Variants in MFHAS1 observed in about 807,000 individuals in gnomAD.
MFHAS1 encodes malignant fibrous histiocytoma-amplified sequence 1.
MFHAS1 carries 50 observed loss-of-function variants against 70.4 expected under a neutral mutation model. That is an observed-to-expected ratio of 0.71 (90% CI 0.57 to 0.90). MFHAS1 has a LOEUF of 0.90. Among genes scored for constraint, MFHAS1 ranks in the 40% least tolerant of loss-of-function variants. The pLI is 0.00. For synonymous variants in MFHAS1, 952 were observed against 620.0 expected, an observed-to-expected ratio of 1.54 and a Z score of -7.96; for missense variants, 1,795 against 1,347.6, an observed-to-expected ratio of 1.33 and a Z score of -5.20.
intron 1 of MFHAS1, among the ~76,000 whole-genome samples, chr8:8,837,647 GA>G (rs549315378): frequency 2.8e-4 from 39 of 139,308 alleles, no homozygotes; most frequent in South Asian, 4.5e-4. Flanking sequence ...CATCTCAACT[GA>G]AAAAAAAAAA....
chr8:8,800,296 A>G (rs1806044106), intron 1 of MFHAS1, among the ~76,000 whole-genome samples: 1 of 152,238 alleles, frequency 6.6e-6, no homozygotes, highest in Admixed American at 6.5e-5. Context: ...TAGCATGGCT[A>G]TGTGGATATC....
At chr8:8,861,277 T>C (rs1808650648) in intron 1 of MFHAS1, among the ~76,000 whole-genome samples, 1 of 152,204 alleles carries the variant, frequency 6.6e-6, no homozygotes, top group Non-Finnish European at 1.5e-5. Flanking sequence ...GTCTTTCCAA[T>C]GAATTAAAAA....
In MFHAS1 at chr8:8,864,761, C is replaced by G. The variant is rs1214075173; in HGVS notation, c.2998+25300G>C. ...TGGGGTCACTTGGCAGTCATTTTAT[C>G]TTTAAACTCACACCTACAGGCACTA... On this transcript the variant is annotated intron_variant, in intron 1 of 2. Coordinates refer to ENST00000276282, the MANE Select transcript of MFHAS1 (RefSeq NM_004225.3). Among the ~76,000 whole-genome samples, 3 of 152,124 alleles carry G rather than the reference C, an allele frequency of 2.0e-5. No homozygotes were observed. The East Asian group carries it at 5.8e-4, about 29-fold the overall frequency.
intron 1 of MFHAS1, among the ~76,000 whole-genome samples, chr8:8,826,983 T>C (rs1807188799): frequency 6.6e-6 from 1 of 152,214 alleles, no homozygotes; most frequent in Admixed American, 6.5e-5. Context: ...AGATGTCTTG[T>C]TGTACAAGGT....
intron 1 of MFHAS1, among the ~76,000 whole-genome samples, chr8:8,821,325 C>A (rs141094760): frequency 3.1e-3 from 472 of 152,312 alleles, no homozygotes; most frequent in African/African-American, 0.011. Flanking sequence ...TACTACTAAG[C>A]CTATTTCCAC....
intron 1 of MFHAS1, among the ~76,000 whole-genome samples, chr8:8,833,988 T>TTA (rs1023555014): frequency 2.6e-5 from 4 of 152,110 alleles, no homozygotes; most frequent in African/African-American, 9.7e-5. Context: ...TAGCTGGGCA[T>TTA]GGTGGTACAT....
At chr8:8,856,300 T>G (rs1159208734) in intron 1 of MFHAS1, among the ~76,000 whole-genome samples, 2 of 152,096 alleles carry the variant, frequency 1.3e-5, no homozygotes, top group Non-Finnish European at 2.9e-5. Flanking sequence ...CTCACTCGAG[T>G]GTCTTTCTCA....
intron 1 of MFHAS1, among the ~76,000 whole-genome samples, chr8:8,840,321 G>A (rs1419372207): frequency 2.0e-5 from 3 of 152,146 alleles, no homozygotes; most frequent in Non-Finnish European, 4.4e-5. Flanking sequence ...GCCAGGTATG[G>A]TGGCACACAC....
chr8:8,871,897 C>T lies in MFHAS1; in HGVS notation c.2998+18164G>A, dbSNP rs73190100. On this transcript the variant is annotated intron_variant, in intron 1 of 2. Coordinates refer to ENST00000276282, the MANE Select transcript of MFHAS1 (RefSeq NM_004225.3). ...AATATAAAGCAAGTAAGCTGCATGG[C>T]AATATTCATCTCTAGCTACAGCTAA... 6.1e-3 allele frequency among the ~76,000 whole-genome samples: 932 copies of T among 152,298 alleles called. 9 individuals carry two copies. The highest frequency in any genetic ancestry group is 0.01 in the Non-Finnish European group (714 of 68,016).
intron 1 of MFHAS1, among the ~76,000 whole-genome samples, chr8:8,811,183 CT>C (rs1420793631): frequency 6.6e-6 from 1 of 152,074 alleles, no homozygotes; most frequent in Non-Finnish European, 1.5e-5. Flanking sequence ...CCAGCCGGGA[CT>C]TGAGGCCATT....
intron 1 of MFHAS1, among the ~76,000 whole-genome samples, chr8:8,797,995 A>G (rs2117259628): frequency 6.6e-6 from 1 of 152,374 alleles, no homozygotes; most frequent in African/African-American, 2.4e-5. Flanking sequence ...GCCTAAGATC[A>G]GCCCAGCCTC....
intron 1 of MFHAS1, among the ~76,000 whole-genome samples, chr8:8,803,358 A>G (rs773874341): frequency 4.6e-5 from 7 of 151,808 alleles, no homozygotes; most frequent in Non-Finnish European, 8.8e-5. Context: ...CTCTACTAAA[A>G]AGATGAAAAT....
chr8:8,864,710 C>T (rs1563210289), intron 1 of MFHAS1, among the ~76,000 whole-genome samples: 1 of 152,268 alleles, frequency 6.6e-6, no homozygotes, highest in East Asian at 1.9e-4. Flanking sequence ...TTTCCAGTTG[C>T]ATGCCAGGAT....
intron 1 of MFHAS1, among the ~76,000 whole-genome samples, chr8:8,854,732 C>G (rs1808370513): frequency 6.6e-6 from 1 of 151,678 alleles, no homozygotes; most frequent in South Asian, 2.1e-4. Flanking sequence ...ATGACTAAAT[C>G]AGAACATCAC....
In MFHAS1 at chr8:8,815,577, T is replaced by C. The variant is rs368109033; in HGVS notation, c.2999-18086A>G. 3.7e-4 allele frequency among the ~76,000 whole-genome samples: 56 copies of C among 152,336 alleles called. 1 individual carries two copies. The highest frequency in any genetic ancestry group is 1.3e-3 in the African/African-American group (55 of 41,584). On this transcript the variant is annotated intron_variant, in intron 1 of 2. Coordinates refer to ENST00000276282, the MANE Select transcript of MFHAS1 (RefSeq NM_004225.3). ...TGCCATTCTGACTGGTGTGAGATGG[T>C]ATCTCATTGTGGTTTTGATTCACAT...
chr8:8,827,290 A>G (rs1199486127), intron 1 of MFHAS1, among the ~76,000 whole-genome samples: 1 of 152,214 alleles, frequency 6.6e-6, no homozygotes, highest in Non-Finnish European at 1.5e-5. Context: ...GAAAACATTT[A>G]CAGGGTCATT....
chr8:8,893,337 C>T lies in MFHAS1; in HGVS notation c.-279G>A, dbSNP rs1305407565. ...GGCAGCAGGGCCGCCGCCCGCGCGCCGCGGAGGATGCCTGCTCCTCCTCCC... is the reference window on the plus strand; with the variant it reads ...GGCAGCAGGGCCGCCGCCCGCGCGCTGCGGAGGATGCCTGCTCCTCCTCCC... On this transcript the variant is annotated 5_prime_UTR_variant, in exon 1 of 3. Transcript: ENST00000276282. The T allele has an allele frequency of 6.8e-6, 1 of 146,306 alleles. No individual in the cohort carries two copies. The highest frequency in any genetic ancestry group is 1.5e-5 in the Non-Finnish European group (1 of 66,074). 9.1% of individuals were successfully genotyped at this position (146,306 alleles called of 1,614,324 possible). A position where few individuals can be genotyped will look rare whatever the true frequency, so the allele number is the denominator to read the frequency against.
chr8:8,868,624 C>T (rs991515983), intron 1 of MFHAS1, among the ~76,000 whole-genome samples: 4 of 151,912 alleles, frequency 2.6e-5, no homozygotes, highest in African/African-American at 7.3e-5. Flanking sequence ...AAGATGAGGC[C>T]GCTCACAAAC....
intron 1 of MFHAS1, among the ~76,000 whole-genome samples, chr8:8,885,946 G>A (rs1289675880): frequency 1.3e-5 from 2 of 152,136 alleles, no homozygotes; most frequent in Non-Finnish European, 2.9e-5. Context: ...CCAGGATGGA[G>A]AAAGCAGGTC....
Sources: allele counts gnomAD v4.1 joint callset (sites outside exome capture counted in the v4.1 genomes callset), GRCh38; gene constraint gnomAD v4.1.1; transcripts MANE v1.5; gene names NCBI Gene and HGNC (gene_info 2026-07-23, HGNC 2026-07-21).